Variants in ARB2A observed in about 807,000 individuals in gnomAD.
The protein encoded by ARB2A is ARB2 cotranscriptional regulator A, also known as cotranscriptional regulator ARB2A.
the ARB2A span, among the ~76,000 whole-genome samples, chr5:94,069,059 T>C: frequency 4.7e-5 from 7 of 150,360 alleles, no homozygotes; most frequent in African/African-American, 1.5e-4. Context: ...GATAGATAGA[T>C]AGATAGATAG....
the ARB2A span, among the ~76,000 whole-genome samples, chr5:93,670,998 A>AT: frequency 6.6e-6 from 1 of 152,212 alleles, no homozygotes; most frequent in African/African-American, 2.4e-5. Context: ...AGCATCCAGA[A>AT]TGCCACTATT....
the ARB2A span, among the ~76,000 whole-genome samples, chr5:93,633,556 C>T: frequency 6.6e-6 from 1 of 152,176 alleles, no homozygotes; most frequent in Non-Finnish European, 1.5e-5. Context: ...CATTGACATT[C>T]CTTAAGCCTT....
the ARB2A span, among the ~76,000 whole-genome samples, chr5:93,924,152 T>C: frequency 1.3e-5 from 2 of 152,150 alleles, no homozygotes; most frequent in African/African-American, 4.8e-5. Context: ...ATTCTACTTG[T>C]AGCTACACGA....
At chr5:94,056,552 T>C in the ARB2A span, among the ~76,000 whole-genome samples, 2 of 152,206 alleles carry the variant, frequency 1.3e-5, no homozygotes, top group Non-Finnish European at 2.9e-5. Flanking sequence ...TTTGAATCCA[T>C]ATAACCTAAA....
chr5:94,080,544 G>C, the ARB2A span, among the ~76,000 whole-genome samples: 2 of 152,170 alleles, frequency 1.3e-5, no homozygotes, highest in African/African-American at 4.8e-5. Flanking sequence ...TGCTCAGCTA[G>C]AGAGTGCAGT....
At chr5:93,622,885 A>T in the ARB2A span, among the ~76,000 whole-genome samples, 8 of 152,342 alleles carry the variant, frequency 5.3e-5, no homozygotes, top group African/African-American at 1.9e-4. Flanking sequence ...TTGCATCAAT[A>T]GGTGTTATAA....
At chr5:93,910,890 T>C in the ARB2A span, 1 of 151,580 alleles carries the variant, frequency 6.6e-6, no homozygotes, top group Non-Finnish European at 1.5e-5. Context: ...GAATCATATG[T>C]ATTCAGCTTT....
At chr5:93,881,975 G>T in the ARB2A span, among the ~76,000 whole-genome samples, 1 of 150,890 alleles carries the variant, frequency 6.6e-6, no homozygotes, top group African/African-American at 2.4e-5. Flanking sequence ...AGATATCTCA[G>T]AACCCAAAAA....
At chr5:94,082,316 T>C in the ARB2A span, among the ~76,000 whole-genome samples, 2 of 152,342 alleles carry the variant, frequency 1.3e-5, no homozygotes, top group South Asian at 4.1e-4. Flanking sequence ...CTAACAAGAA[T>C]TGAAATTTGG....
chr5:93,807,286 T>C, the ARB2A span, among the ~76,000 whole-genome samples: 1 of 151,966 alleles, frequency 6.6e-6, no homozygotes, highest in Admixed American at 6.6e-5. Context: ...ATTGCTCAAT[T>C]TCCCACAGAT....
chr5:94,089,203 G>A, the ARB2A span, among the ~76,000 whole-genome samples: 2 of 152,082 alleles, frequency 1.3e-5, no homozygotes, highest in Non-Finnish European at 2.9e-5. Context: ...TGAAAATACT[G>A]CTTTTTCTGC....
chr5:93,816,893 G>T, the ARB2A span, among the ~76,000 whole-genome samples: 1 of 152,100 alleles, frequency 6.6e-6, no homozygotes, highest in East Asian at 1.9e-4. Flanking sequence ...TCAGGAACAA[G>T]ACAAGGATGT....
At chr5:93,920,526 C>G in the ARB2A span, among the ~76,000 whole-genome samples, 2 of 151,688 alleles carry the variant, frequency 1.3e-5, no homozygotes, top group Non-Finnish European at 2.9e-5. Context: ...AATTGCATGG[C>G]CTAGAAACAT....
chr5:94,044,222 C>A, the ARB2A span, among the ~76,000 whole-genome samples: 2 of 152,218 alleles, frequency 1.3e-5, no homozygotes, highest in South Asian at 4.1e-4. Flanking sequence ...TCATGGAACA[C>A]ATTCTAACTT....
chr5:93,721,162 A>G, the ARB2A span, among the ~76,000 whole-genome samples: 2 of 152,222 alleles, frequency 1.3e-5, no homozygotes, highest in South Asian at 4.1e-4. Context: ...GTAAAGGGGG[A>G]AGGCAGGAAG....
the ARB2A span, among the ~76,000 whole-genome samples, chr5:93,792,681 T>C: frequency 2.5e-5 from 3 of 120,640 alleles, no homozygotes; most frequent in Non-Finnish European, 4.8e-5. Flanking sequence ...AAGGGGAACA[T>C]CACACTCTGG....
the ARB2A span, among the ~76,000 whole-genome samples, chr5:93,650,644 ATTAAC>A: frequency 6.6e-6 from 1 of 152,080 alleles, no homozygotes; most frequent in Non-Finnish European, 1.5e-5. Flanking sequence ...GGTGAAAAAC[ATTAAC>A]TTAAGAATCA....
chr5:93,897,760 T>G, the ARB2A span, among the ~76,000 whole-genome samples: 1 of 151,868 alleles, frequency 6.6e-6, no homozygotes. Flanking sequence ...CTTGCTTTTC[T>G]GTGTATACTA....
chr5:93,873,348 A>G, the ARB2A span, among the ~76,000 whole-genome samples: 16 of 8,570 alleles, frequency 1.9e-3, 1 homozygote, highest in East Asian at 0.013. Flanking sequence ...AGGAAAGGAA[A>G]GGAAAGGAAA....
Sources: gnomAD v4.1 joint callset for allele counts (sites outside exome capture counted in the v4.1 genomes callset) on GRCh38, gnomAD v4.1.1 for gene constraint, MANE v1.5 for transcripts, NCBI Gene and HGNC (gene_info 2026-07-23, HGNC 2026-07-21) for gene names.